VDAC1: variants seen among roughly 807,000 people sequenced by gnomAD.
VDAC1 encodes voltage dependent anion channel 1.
Under a neutral mutation model 34.7 loss-of-function variants are expected in VDAC1, and 10 were observed. That is an observed-to-expected ratio of 0.29 (90% CI 0.18 to 0.49). The LOEUF is 0.49. Ranked by LOEUF, VDAC1 falls within the 20% of genes least tolerant of loss-of-function variation. The probability of loss-of-function intolerance (pLI) is 0.99; values close to 1 mark genes in which losing one functional copy is unlikely to be tolerated. For missense variants in VDAC1, 230 were observed against 347.9 expected, an observed-to-expected ratio of 0.66 and a Z score of 2.69; for synonymous variants, 130 against 136.0, an observed-to-expected ratio of 0.96 and a Z score of 0.30.
intron 7 of VDAC1, 46 bp downstream of exon 7, chr5:133,975,825 A>G: frequency 6.2e-7 from 1 of 1,605,922 alleles, no homozygotes; most frequent in Non-Finnish European, 8.5e-7. Flanking sequence ...CAACATAAAG[A>G]GCAGATGGGC....
At chr5:134,086,131 G>C in the VDAC1 span, among the ~76,000 whole-genome samples, 1 of 152,200 alleles carries the variant, frequency 6.6e-6, no homozygotes, top group African/African-American at 2.4e-5. Flanking sequence ...GGGAGGCAGA[G>C]GTTGCAGTGA....
chr5:134,027,733 T>C, the VDAC1 span, among the ~76,000 whole-genome samples: 3 of 152,204 alleles, frequency 2.0e-5, no homozygotes, highest in East Asian at 3.9e-4. Context: ...TCTGTTATTT[T>C]TGGTATAATA....
At chr5:134,067,713 AGG>A in the VDAC1 span, among the ~76,000 whole-genome samples, 3 of 151,156 alleles carry the variant, frequency 2.0e-5, no homozygotes, top group African/African-American at 7.3e-5. Flanking sequence ...GGAGAAGGAG[AGG>A]GAGAAGGAGA....
chr5:134,090,653 C>A, the VDAC1 span, among the ~76,000 whole-genome samples: 2 of 152,224 alleles, frequency 1.3e-5, no homozygotes. Context: ...CTCAAGGTCG[C>A]AGCCCTTGGC....
the VDAC1 span, among the ~76,000 whole-genome samples, chr5:134,079,378 G>A: frequency 6.6e-6 from 1 of 152,216 alleles, no homozygotes; most frequent in African/African-American, 2.4e-5. Flanking sequence ...ACCGTCTGAT[G>A]GGGACCAGGG....
the VDAC1 span, among the ~76,000 whole-genome samples, chr5:134,108,792 C>G: frequency 6.6e-6 from 1 of 152,104 alleles, no homozygotes; most frequent in Non-Finnish European, 1.5e-5. Context: ...CCAAACTCTC[C>G]CCCAGGGCCT....
chr5:134,021,692 T>C, the VDAC1 span, among the ~76,000 whole-genome samples: 3 of 152,140 alleles, frequency 2.0e-5, no homozygotes, highest in South Asian at 2.1e-4. Context: ...AAGGCAATGA[T>C]ACCTTACCAC....
chr5:134,103,871 G>A, the VDAC1 span, among the ~76,000 whole-genome samples: 2 of 152,236 alleles, frequency 1.3e-5, no homozygotes, highest in Non-Finnish European at 2.9e-5. Context: ...CCTAGGAGCA[G>A]GGCTGAGCAA....
At chr5:133,983,859 G>A (rs1000019383) in intron 5 of VDAC1, among the ~76,000 whole-genome samples, 1 of 148,876 alleles carries the variant, frequency 6.7e-6, no homozygotes, top group Admixed American at 6.8e-5. Flanking sequence ...GTTTGCGTGT[G>A]GCACCTCCCC....
At chr5:134,040,755 A>C in the VDAC1 span, among the ~76,000 whole-genome samples, 2 of 152,212 alleles carry the variant, frequency 1.3e-5, no homozygotes, top group African/African-American at 4.8e-5. Context: ...TAAAAAGAGC[A>C]GTTGATTCTG....
the VDAC1 span, among the ~76,000 whole-genome samples, chr5:134,072,456 CAACA>C: frequency 1.3e-5 from 2 of 152,200 alleles, no homozygotes; most frequent in Non-Finnish European, 2.9e-5. Context: ...TCGCTACCTG[CAACA>C]AACAGAGGAA....
chr5:134,006,737 TCC>T (rs60521440), upstream of VDAC1, among the ~76,000 whole-genome samples: 78 of 41,014 alleles, frequency 1.9e-3, 3 homozygotes, highest in African/African-American at 6.6e-3. Context: ...AGTGACATTG[TCC>T]CCCCCCCCCA....
At chr5:134,037,267 G>GA in the VDAC1 span, among the ~76,000 whole-genome samples, 1 of 152,196 alleles carries the variant, frequency 6.6e-6, no homozygotes, top group African/African-American at 2.4e-5. Context: ...TTGCTGTCAT[G>GA]TGGACCTCAG....
the VDAC1 span, among the ~76,000 whole-genome samples, chr5:134,056,831 A>G: frequency 1.3e-5 from 2 of 152,082 alleles, no homozygotes; most frequent in African/African-American, 2.4e-5. Context: ...GATTACAGGC[A>G]TGCACCACCA....
chr5:134,051,668 G>GTTT, the VDAC1 span, among the ~76,000 whole-genome samples: 3 of 141,360 alleles, frequency 2.1e-5, no homozygotes, highest in African/African-American at 2.6e-5. Context: ...TGGGCAGTTT[G>GTTT]TTTTTTTTTT....
chr5:134,027,409 A>G, the VDAC1 span, among the ~76,000 whole-genome samples: 1 of 152,132 alleles, frequency 6.6e-6, no homozygotes, highest in Non-Finnish European at 1.5e-5. Context: ...GGCCCTGGAG[A>G]GAACATGGGG....
At chr5:134,037,744 C>A in the VDAC1 span, among the ~76,000 whole-genome samples, 1 of 152,162 alleles carries the variant, frequency 6.6e-6, no homozygotes, top group Non-Finnish European at 1.5e-5. Context: ...GAGGTTGGGT[C>A]TTAAGCGTGA....
chr5:133,981,856 G>A (rs1752713100), intron 5 of VDAC1, among the ~76,000 whole-genome samples: 1 of 152,198 alleles, frequency 6.6e-6, no homozygotes, highest in Admixed American at 6.5e-5. Context: ...TGCATTCTCA[G>A]CAGAGACCAC....
the VDAC1 span, among the ~76,000 whole-genome samples, chr5:134,112,904 G>C: frequency 1.3e-5 from 2 of 152,174 alleles, no homozygotes; most frequent in African/African-American, 2.4e-5. Context: ...TGGGTCTGGG[G>C]ACAGCTATTC....
Sources: gnomAD v4.1 joint callset for allele counts (sites outside exome capture counted in the v4.1 genomes callset) on GRCh38, gnomAD v4.1.1 for gene constraint, MANE v1.5 for transcripts, NCBI Gene and HGNC (gene_info 2026-07-23, HGNC 2026-07-21) for gene names.